SLC24A3: variants seen among roughly 807,000 people sequenced by gnomAD.
The protein encoded by SLC24A3 is sodium/potassium/calcium exchanger 3.
Under a neutral mutation model 75.8 loss-of-function variants are expected in SLC24A3, and 28 were observed. The observed-to-expected ratio is 0.37, with a 90% CI of 0.27 to 0.51. The LOEUF (loss-of-function observed/expected upper bound fraction) is 0.51, where lower values mean the gene tolerates loss of function less well. Ranked by LOEUF, SLC24A3 falls within the 20% of genes least tolerant of loss-of-function variation. The probability of loss-of-function intolerance (pLI) is 0.94; values close to 1 mark genes in which losing one functional copy is unlikely to be tolerated. For missense variants in SLC24A3, 663 were observed against 847.8 expected (o/e 0.78, Z 2.71); for synonymous variants, 372 against 334.1 (o/e 1.11, Z -1.24).
At chr20:19,392,085 T>C (rs1260256532) in intron 2 of SLC24A3, among the ~76,000 whole-genome samples, 1 of 152,196 alleles carries the variant, frequency 6.6e-6, no homozygotes, top group Non-Finnish European at 1.5e-5. Context: ...ACAGTAGGTA[T>C]ACAATTAATG....
chr20:19,291,787 A>G (rs1983947592), intron 2 of SLC24A3, among the ~76,000 whole-genome samples: 1 of 152,178 alleles, frequency 6.6e-6, no homozygotes, highest in African/African-American at 2.4e-5. Flanking sequence ...GGGCCCACTC[A>G]GTGTCCACGT....
chr20:19,231,127 G>C (rs544737777), intron 1 of SLC24A3, among the ~76,000 whole-genome samples: 8 of 152,126 alleles, frequency 5.3e-5, no homozygotes, highest in African/African-American at 1.9e-4. Context: ...TAAAAAACAG[G>C]TAGACAGGGC....
At chr20:19,291,343 G>A (rs193114581) in intron 2 of SLC24A3, among the ~76,000 whole-genome samples, 18 of 152,306 alleles carry the variant, frequency 1.2e-4, no homozygotes, top group African/African-American at 4.1e-4. Flanking sequence ...CCTGTCTGAG[G>A]GCTGTGAAGG....
At chr20:19,376,815 G>T (rs1013135171) in intron 2 of SLC24A3, among the ~76,000 whole-genome samples, 25 of 152,180 alleles carry the variant, frequency 1.6e-4, no homozygotes, top group African/African-American at 5.8e-4. Flanking sequence ...TGGATGAAAA[G>T]TCCTGCAGGC....
intron 2 of SLC24A3, among the ~76,000 whole-genome samples, chr20:19,325,789 T>TAGAG (rs1984837211): frequency 5.4e-5 from 5 of 92,502 alleles, no homozygotes; most frequent in East Asian, 3.5e-4. Context: ...TATATATATA[T>TAGAG]ATATATAGAG....
intron 2 of SLC24A3, among the ~76,000 whole-genome samples, chr20:19,483,142 G>T (rs1287225165): frequency 2.0e-5 from 3 of 152,178 alleles, no homozygotes. Context: ...CACATCAGGG[G>T]CAATGATCAG....
chr20:19,305,475 C>A (rs1984302582), intron 2 of SLC24A3, among the ~76,000 whole-genome samples: 2 of 151,886 alleles, frequency 1.3e-5, no homozygotes, highest in Non-Finnish European at 2.9e-5. Context: ...GGTGCTGCTT[C>A]TGCTTGGACC....
At chr20:19,306,160 A>G (rs1302591376) in intron 2 of SLC24A3, among the ~76,000 whole-genome samples, 3 of 152,234 alleles carry the variant, frequency 2.0e-5, no homozygotes, top group African/African-American at 7.2e-5. Flanking sequence ...AATGCAAATC[A>G]AAGCAACAAG....
chr20:19,311,274 G>T (rs1478639347), intron 2 of SLC24A3, among the ~76,000 whole-genome samples: 1 of 152,134 alleles, frequency 6.6e-6, no homozygotes, highest in Non-Finnish European at 1.5e-5. Flanking sequence ...CTTGCAGTCA[G>T]CAACTTTTGG....
At chr20:19,223,861 G>A (rs915069760) in intron 1 of SLC24A3, among the ~76,000 whole-genome samples, 1 of 152,146 alleles carries the variant, frequency 6.6e-6, no homozygotes, top group Non-Finnish European at 1.5e-5. Context: ...TAACCGAGCT[G>A]GCTACTGAGT....
At chr20:19,331,560 A>G (rs1985001236) in intron 2 of SLC24A3, among the ~76,000 whole-genome samples, 2 of 152,226 alleles carry the variant, frequency 1.3e-5, no homozygotes, top group South Asian at 4.1e-4. Context: ...TAAAGTGTTT[A>G]TGGGAGTTCC....
At chr20:19,642,669 C>G (rs2122699145) in intron 6 of SLC24A3, among the ~76,000 whole-genome samples, 1 of 152,314 alleles carries the variant, frequency 6.6e-6, no homozygotes, top group Admixed American at 6.5e-5. Flanking sequence ...AAGGTGCTAA[C>G]TACACTCTGC....
intron 3 of SLC24A3, among the ~76,000 whole-genome samples, chr20:19,527,159 A>G (rs1161735291): frequency 2.6e-5 from 4 of 152,096 alleles, no homozygotes; most frequent in African/African-American, 9.7e-5. Context: ...TTGACTTCCT[A>G]TAAGGAAGAG....
chr20:19,331,347 A>AGATG (rs1984994630), intron 2 of SLC24A3, among the ~76,000 whole-genome samples: 2 of 152,190 alleles, frequency 1.3e-5, no homozygotes, highest in Admixed American at 6.5e-5. Context: ...TGGTATAGAT[A>AGATG]GATGGATGGA....
In SLC24A3 at chr20:19,280,973, G is replaced by A. The variant is rs1455908351; in HGVS notation, c.157G>A (p.Asp53Asn). 1 of 1,613,796 alleles carries A rather than the reference G, an allele frequency of 6.2e-7. No individual in the cohort carries two copies. The highest frequency in any genetic ancestry group is 1.7e-5 in the Admixed American group (1 of 59,966). The change falls in exon 2 of 17, where the codon GAC becomes AAC. Residue 53 changes from aspartate (D) to asparagine (N), a missense_variant. Physicochemically the swap from Asp to Asn is conservative, Grantham distance 23. Around this residue, in one of 2 missense-constraint regions of SLC24A3, gnomAD observed 153 missense variants for 144.2 expected, o/e 1.06. Transcript: ENST00000328041. ...LREQKELDLM[D>N]LVGEDRKWMM... is the part of the protein sequence containing the mutation. ...TGTCTCCCCAGAGCTTGACCTCATG[G>A]ACCTCGTAGGGGAAGACAGAAAGTG... is the stretch of plus-strand genomic sequence containing the variant.
At chr20:19,456,724 G>A (rs77192665) in intron 2 of SLC24A3, among the ~76,000 whole-genome samples, 3,630 of 152,298 alleles carry the variant, frequency 0.024, 133 homozygotes, top group African/African-American at 0.081. Flanking sequence ...GTCAACTCAT[G>A]AATCCCAAAC....
intron 2 of SLC24A3, among the ~76,000 whole-genome samples, chr20:19,316,023 C>T (rs993945721): frequency 3.3e-5 from 5 of 152,242 alleles, no homozygotes; most frequent in East Asian, 3.9e-4. Context: ...CTGTTGAGTA[C>T]AATGTACTGC....
intron 7 of SLC24A3, among the ~76,000 whole-genome samples, chr20:19,656,669 CCT>C (rs1406913254): frequency 6.6e-6 from 1 of 152,116 alleles, no homozygotes; most frequent in Non-Finnish European, 1.5e-5. Flanking sequence ...TGAACACAGC[CCT>C]CTACTTTGCT....
At chr20:19,304,133 C>T (rs939032063) in intron 2 of SLC24A3, among the ~76,000 whole-genome samples, 1 of 152,188 alleles carries the variant, frequency 6.6e-6, no homozygotes, top group African/African-American at 2.4e-5. Context: ...CATAAAAAGA[C>T]CGTGATCATA....
Sources: allele counts gnomAD v4.1 joint callset (sites outside exome capture counted in the v4.1 genomes callset), GRCh38; gene constraint gnomAD v4.1.1; regional missense constraint gnomAD v4.1.1; transcripts MANE v1.5; gene names NCBI Gene and HGNC (gene_info 2026-07-23, HGNC 2026-07-21).